The following TRIO variants were observed in gnomAD, a reference collection of about 807,000 sequenced individuals.
TRIO encodes the protein triple functional domain protein.
In TRIO, 58 loss-of-function variants were observed where a neutral mutation model predicts 351.9. The ratio of observed to expected loss-of-function variants is 0.16; its 90% CI spans 0.13 to 0.21. The LOEUF (loss-of-function observed/expected upper bound fraction) is 0.21. Among genes scored for constraint, TRIO ranks in the 10% least tolerant of loss-of-function variants. The pLI, the probability that TRIO is intolerant of heterozygous loss-of-function variation, is 1.00. For synonymous variants in TRIO, 1,758 were observed against 1,595.7 expected, an observed-to-expected ratio of 1.10 and a Z score of -2.42; for missense variants, 3,201 against 4,027.8, an observed-to-expected ratio of 0.79 and a Z score of 5.56.
At chr5:14,294,493 G>T (rs1277471089) in intron 6 of TRIO, among the ~76,000 whole-genome samples, 2 of 152,176 alleles carry the variant, frequency 1.3e-5, no homozygotes, top group Non-Finnish European at 2.9e-5. Flanking sequence ...CATTCAGTCT[G>T]CTATGCCACA....
Position 14,363,969 on chromosome 5 carries a change from A to G in TRIO, c.2587+42A>G. 1.9e-6 allele frequency: 3 copies of G among 1,571,940 alleles called. No homozygotes were observed. In the South Asian group the frequency reaches 3.5e-5, roughly 18 times the overall value. Reference sequence around the variant, plus strand: ...CATCTGTGTCCGTTGTGATTTCTTCATGTCGTCATGGCAATTCGGCTTATT... The same window carrying G: ...CATCTGTGTCCGTTGTGATTTCTTCGTGTCGTCATGGCAATTCGGCTTATT... On this transcript the variant is annotated intron_variant, in intron 14 of 56. Coordinates refer to ENST00000344204, the MANE Select transcript of TRIO (RefSeq NM_007118.4).
Position 14,508,308 on chromosome 5 carries a change from C to T in TRIO, c.9180C>T (p.Val3060=). The change falls in exon 57 of 57, where the codon GTC becomes GTT. Residue 3060 remains valine, a synonymous_variant. Transcript: ENST00000344204. ...CCGGCAACGGCAGAAGCACGGGCGTCCTCGACACGTCCAGACTGACTTCCT... is the reference window on the plus strand; with the variant it reads ...CCGGCAACGGCAGAAGCACGGGCGTTCTCGACACGTCCAGACTGACTTCCT... ...LQAGNGRSTG[V]LDTSRLTSFI... is the part of the protein sequence containing the mutation. 6.2e-7 allele frequency: 1 copy of T among 1,613,956 alleles called. No homozygotes were observed. The highest frequency in any genetic ancestry group is 1.1e-5 in the South Asian group (1 of 91,080).
At chr5:14,144,916 C>T (rs1787408196) in intron 1 of TRIO, among the ~76,000 whole-genome samples, 1 of 122,200 alleles carries the variant, frequency 8.2e-6, no homozygotes, top group Non-Finnish European at 1.7e-5. Context: ...GCGGCGGCGG[C>T]GGCGGCGGCC....
At chr5:14,296,511 G>A (rs573692184) in intron 6 of TRIO, among the ~76,000 whole-genome samples, 94 of 152,188 alleles carry the variant, frequency 6.2e-4, no homozygotes, top group Non-Finnish European at 7.6e-4. Context: ...GCGTTGTTGT[G>A]TTTTTACTGC....
Position 14,322,091 on chromosome 5 carries a change from A to G in TRIO, c.1731+5348A>G, listed in dbSNP as rs566464452. Among the ~76,000 whole-genome samples, 15 of 152,326 alleles carry G rather than the reference A, an allele frequency of 9.8e-5. No homozygotes were observed. In the South Asian group the frequency reaches 3.1e-3, roughly 32 times the overall value. The stretch of plus-strand genomic sequence containing the variant: ...ATGGGTGAGTAAGTCTTGGAGAGTA[A>G]GAACGTGAGGACCACAGAGACAGCC... On this transcript the variant is annotated intron_variant, in intron 9 of 56. Coordinates refer to ENST00000344204, the MANE Select transcript of TRIO (RefSeq NM_007118.4).
intron 33 of TRIO, among the ~76,000 whole-genome samples, chr5:14,415,799 G>A (rs1749595679): frequency 6.6e-6 from 1 of 152,106 alleles, no homozygotes; most frequent in South Asian, 2.1e-4. Flanking sequence ...CTTTGGAGGA[G>A]GCACATTGGT....
chr5:14,496,787 C>A (rs1229834810), intron 49 of TRIO, 92 bp from the exon 50 acceptor site: 3 of 1,525,988 alleles, frequency 2.0e-6, no homozygotes, highest in Non-Finnish European at 2.7e-6. Flanking sequence ...CACACACATA[C>A]GTTGAATATT....
intron 4 of TRIO, 32 bp from the exon 5 acceptor site, chr5:14,290,684 A>G (rs1736829803): frequency 6.4e-7 from 1 of 1,553,118 alleles, no homozygotes; most frequent in Non-Finnish European, 8.7e-7. Context: ...AAATTGGTTC[A>G]TCTTCTCATA....
chr5:14,359,504 G>T lies in TRIO; in HGVS notation c.2364G>T (p.Leu788=). ...RKIKLELFLQ[L]RIFERDAIDI... ...TCAAGCTGGAGCTCTTCCTGCAGCT[G>T]CGCATCTTCGAGAGGGACGCCATCG... Residue 788 remains leucine (L), a synonymous_variant, in exon 13 of 57, where the codon CTG becomes CTT. Transcript: ENST00000344204. 6.2e-7 allele frequency: 1 copy of T among 1,614,216 alleles called. No individual in the cohort carries two copies. Among genetic ancestry groups the T allele is most frequent in the Non-Finnish European group, 8.5e-7 (1 of 1,179,996 alleles).
At chr5:14,175,030 TA>T (rs143680264) in intron 1 of TRIO, among the ~76,000 whole-genome samples, 13,685 of 152,258 alleles carry the variant, frequency 0.09, 709 homozygotes, top group African/African-American at 0.12. Context: ...CATATTACTT[TA>T]AAATCTTTTG....
chr5:14,489,289 T>A, intron 48 of TRIO: 1 of 435,430 alleles, frequency 2.3e-6, no homozygotes, highest in East Asian at 4.0e-5. Context: ...AAACTTTAAT[T>A]GGGGAAGAAA....
chr5:14,231,491 A>G (rs960376831), intron 1 of TRIO, among the ~76,000 whole-genome samples: 6 of 152,304 alleles, frequency 3.9e-5, no homozygotes, highest in African/African-American at 1.4e-4. Context: ...GAAGAGAGAA[A>G]ACCTTTCTTT....
At chr5:14,380,329 C>T (rs934477788) in intron 20 of TRIO, among the ~76,000 whole-genome samples, 1 of 108,624 alleles carries the variant, frequency 9.2e-6, no homozygotes, top group African/African-American at 3.2e-5. Flanking sequence ...CGCGCCCCGC[C>T]TCCTCCTTCG....
chr5:14,418,640 C>T (rs763085099), intron 33 of TRIO: 3 of 152,688 alleles, frequency 2.0e-5, no homozygotes, highest in African/African-American at 7.3e-5. Flanking sequence ...ATCCAGTTGC[C>T]CAGCAGGGAT....
At chr5:14,445,210 C>T (rs1752350806) in intron 34 of TRIO, among the ~76,000 whole-genome samples, 1 of 152,190 alleles carries the variant, frequency 6.6e-6, no homozygotes, top group African/African-American at 2.4e-5. Flanking sequence ...TGGAGTCTTC[C>T]TCATTTCCTC....
intron 49 of TRIO, among the ~76,000 whole-genome samples, chr5:14,493,384 ACT>A (rs1484176528): frequency 6.6e-6 from 1 of 150,980 alleles, no homozygotes; most frequent in African/African-American, 2.4e-5. Context: ...GTATGCTCAC[ACT>A]CTGTATTTGT....
At position 14,280,391 on chromosome 5, in the gene TRIO, A is replaced by C. The variant is rs756398190; in HGVS notation, c.302A>C (p.Gln101Pro). The C allele has an allele frequency of 2.5e-6, 4 of 1,614,172 alleles. No homozygotes were observed. The African/African-American group carries it at 5.3e-5, about 22-fold the overall frequency. The stretch of plus-strand genomic sequence containing the variant: ...CGCAGCAATCATGACAGAATACGAC[A>C]GGAGGATCTCAGGAGACTCATTTCC... ...PARSNHDRIR[Q>P]EDLRRLISYL... is the part of the protein sequence containing the mutation. The change falls in exon 3 of 57, where the codon CAG becomes CCG. Residue 101 changes from glutamine to proline, a missense_variant. Coordinates refer to ENST00000344204, the MANE Select transcript of TRIO (RefSeq NM_007118.4).
intron 21 of TRIO, 47 bp from the exon 22 acceptor site, chr5:14,387,391 C>T (rs369517939): frequency 4.6e-4 from 705 of 1,543,288 alleles, no homozygotes; most frequent in Non-Finnish European, 4.5e-4. Flanking sequence ...AGGTTTCTGG[C>T]AGTCGGATTC....
intron 9 of TRIO, among the ~76,000 whole-genome samples, chr5:14,320,010 G>A (rs539623976): frequency 6.6e-6 from 1 of 152,178 alleles, no homozygotes; most frequent in Non-Finnish European, 1.5e-5. Flanking sequence ...AGCTGGGCGG[G>A]GAATTGGGAA....
Sources: allele counts gnomAD v4.1 joint callset (sites outside exome capture counted in the v4.1 genomes callset), GRCh38; gene constraint gnomAD v4.1.1; transcripts MANE v1.5; gene names NCBI Gene and HGNC (gene_info 2026-07-23, HGNC 2026-07-21).